DNAJC10: variants seen among roughly 807,000 people sequenced by gnomAD.
DNAJC10 encodes endoplasmic reticulum disulfide reductase DNAJC10.
DNAJC10 carries 101 observed loss-of-function variants against 115.0 expected under a neutral mutation model. The ratio of observed to expected loss-of-function variants is 0.88; its 90% CI spans 0.75 to 1.04. The LOEUF (loss-of-function observed/expected upper bound fraction) is 1.04, where lower values mean the gene tolerates loss of function less well. Ranked by LOEUF, DNAJC10 falls within the 50% of genes least tolerant of loss-of-function variation. The probability of loss-of-function intolerance (pLI) is 0.00; values close to 1 mark genes in which losing one functional copy is unlikely to be tolerated. For synonymous variants in DNAJC10, 307 were observed against 301.5 expected (o/e 1.02, Z -0.19); for missense variants, 981 against 928.8 (o/e 1.06, Z -0.73).
chr2:182,730,920 G>A lies in DNAJC10; in HGVS notation c.728-110G>A. On this transcript the variant is annotated intron_variant, in intron 8 of 23. Transcript: ENST00000264065. ...GGAAAGATAACTGGTAAAACTCAGA[G>A]TGGATTAGAAGAGGGTGAGATTAGA... The A allele has an allele frequency of 4.6e-6, 3 of 652,512 alleles. No individual in the cohort carries two copies. The South Asian group carries it at 6.8e-5, about 15-fold the overall frequency. The allele number at this position is 652,512 out of a possible 1,614,324, so 40.4% of individuals were successfully genotyped here. A position where few individuals can be genotyped will look rare whatever the true frequency, so the allele number is the denominator to read the frequency against.
At chr2:182,766,331 G>A (rs1182145065) in intron 22 of DNAJC10, among the ~76,000 whole-genome samples, 5 of 152,142 alleles carry the variant, frequency 3.3e-5, no homozygotes, top group Non-Finnish European at 7.3e-5. Context: ...TAGAATGAGA[G>A]CGAATATGTA....
intron 4 of DNAJC10, among the ~76,000 whole-genome samples, chr2:182,721,025 T>A (rs1166346593): frequency 6.6e-6 from 1 of 151,712 alleles, no homozygotes; most frequent in Non-Finnish European, 1.5e-5. Context: ...AAAAATAAGG[T>A]GGAAGGAGGA....
rs1290535195 is a variant in DNAJC10, at chr2:182,757,776, C to T, written c.1894C>T (p.Pro632Ser). The T allele has an allele frequency of 3.8e-6, 6 of 1,580,772 alleles. No individual in the cohort carries two copies. The African/African-American group carries it at 6.8e-5, about 18-fold the overall frequency. ...TGCCCAGGAAAACGTTCAAAGATAC[C>T]CTGAGATAAGATTTTTTCCCCCAAA... Reference protein sequence around the residue: ...FCAQENVQRYPEIRFFPPKSN... With the variant: ...FCAQENVQRYSEIRFFPPKSN... The change falls in exon 19 of 24, where the codon CCT (proline) becomes TCT (serine). Residue 632 changes from proline (P) to serine (S), a missense_variant. Physicochemically the swap from Pro to Ser is moderately conservative, Grantham distance 74 (BLOSUM62 -1). Coordinates refer to ENST00000264065, the MANE Select transcript of DNAJC10 (RefSeq NM_018981.4).
At chr2:182,765,558 G>T (rs996318500) in intron 22 of DNAJC10, among the ~76,000 whole-genome samples, 3 of 152,150 alleles carry the variant, frequency 2.0e-5, no homozygotes, top group African/African-American at 7.2e-5. Flanking sequence ...CCATGCGGTT[G>T]CGAGGGCTTC....
intron 21 of DNAJC10, among the ~76,000 whole-genome samples, chr2:182,761,248 GAGA>G (rs1394103908): frequency 6.6e-6 from 1 of 152,196 alleles, no homozygotes; most frequent in Non-Finnish European, 1.5e-5. Context: ...AGTGATGCCA[GAGA>G]AGGATGTTTA....
At chr2:182,759,331 A>G in intron 21 of DNAJC10, 24 bp downstream of exon 21, 1 of 1,580,132 alleles carries the variant, frequency 6.3e-7, no homozygotes, top group Admixed American at 2.1e-5. Flanking sequence ...GTCTTAAATA[A>G]GTTGTAGCCA....
Position 182,762,729 on chromosome 2 carries a change from T to C in DNAJC10, c.2193T>C (p.Tyr731=), listed in dbSNP as rs777965374. ...CTGGAAAAGTAGACTGTCAGGCTTATGCTCAGACATGCCAGAAAGCTGGGA... is the reference window on the plus strand; with the variant it reads ...CTGGAAAAGTAGACTGTCAGGCTTACGCTCAGACATGCCAGAAAGCTGGGA... ...VKAGKVDCQA[Y]AQTCQKAGIR... Residue 731 remains tyrosine, a synonymous_variant, in exon 22 of 24, where the codon TAT becomes TAC. Transcript: ENST00000264065. 2 of 1,612,656 alleles carry C rather than the reference T, an allele frequency of 1.2e-6. No individual in the cohort carries two copies. Among genetic ancestry groups the C allele is most frequent in the Non-Finnish European group, 1.7e-6 (2 of 1,178,916 alleles).
rs886191670 is a variant in DNAJC10, at chr2:182,752,162, A to G, written c.1525A>G (p.Thr509Ala). ...GCTTAAGTTTGGTACACTAGATTGT[A>G]CAGTTCATGAGGGACTCTGTAACAT... ...GQLKFGTLDCTVHEGLCNMYN... is the reference protein window; with the variant it reads ...GQLKFGTLDCAVHEGLCNMYN... Residue 509 changes from threonine (T) to alanine (A), a missense_variant, in exon 16 of 24, where the codon ACA becomes GCA. Transcript: ENST00000264065. 1.9e-6 allele frequency: 3 copies of G among 1,609,246 alleles called. No individual in the cohort carries two copies. The highest frequency in any genetic ancestry group is 2.6e-6 in the Non-Finnish European group (3 of 1,176,388).
intron 4 of DNAJC10, 126 bp downstream of exon 4, chr2:182,720,295 T>C (rs1052652805): frequency 1.3e-6 from 1 of 763,590 alleles, no homozygotes; most frequent in Non-Finnish European, 2.2e-6. Flanking sequence ...TAATTTGCTG[T>C]GGGAGTGAAA....
At chr2:182,726,575 C>T (rs1693288358) in intron 5 of DNAJC10, among the ~76,000 whole-genome samples, 1 of 152,130 alleles carries the variant, frequency 6.6e-6, no homozygotes, top group Non-Finnish European at 1.5e-5. Context: ...GGAAAGGAGA[C>T]ATCAATCAGT....
intron 20 of DNAJC10, 54 bp from the exon 21 acceptor site, chr2:182,759,106 A>G: frequency 2.1e-6 from 3 of 1,439,054 alleles, no homozygotes; most frequent in South Asian, 1.3e-5. Context: ...ATTGCATTTC[A>G]TATGTTTGCT....
intron 4 of DNAJC10, among the ~76,000 whole-genome samples, chr2:182,720,674 C>T (rs1693128583): frequency 6.6e-6 from 1 of 151,740 alleles, no homozygotes; most frequent in East Asian, 2.0e-4. Flanking sequence ...CAACAAAATT[C>T]CCTAACAACA....
chr2:182,729,428 C>T (rs1559000319), intron 7 of DNAJC10, among the ~76,000 whole-genome samples: 3 of 152,240 alleles, frequency 2.0e-5, no homozygotes, highest in South Asian at 2.1e-4. Flanking sequence ...GGATTACAGG[C>T]GTGAGCCACA....
At chr2:182,743,817 A>C in intron 14 of DNAJC10, 105 bp downstream of exon 14, 1 of 745,090 alleles carries the variant, frequency 1.3e-6, no homozygotes, top group Non-Finnish European at 2.2e-6. Flanking sequence ...GCTTATTGTA[A>C]ATAACTTTTC....
intron 11 of DNAJC10, among the ~76,000 whole-genome samples, chr2:182,737,691 A>C (rs974418407): frequency 1.3e-5 from 2 of 152,196 alleles, no homozygotes; most frequent in Non-Finnish European, 2.9e-5. Flanking sequence ...TTAGGATATT[A>C]GTCAGTGTCT....
At chr2:182,752,713 CA>C (rs61411602) in intron 16 of DNAJC10, 73,092 of 164,330 alleles carry the variant, frequency 0.44, 15,555 homozygotes, top group Middle Eastern at 0.56. Context: ...ATACTTTGGG[CA>C]AAAAAAAAAA....
rs371935982 is a variant in DNAJC10, at chr2:182,752,120, A to C, written c.1483A>C (p.Asn495His). 15 of 1,613,884 alleles carry C rather than the reference A, an allele frequency of 9.3e-6. No individual in the cohort carries two copies. Among genetic ancestry groups the C allele is most frequent in the African/African-American group, 1.3e-5 (1 of 75,026 alleles). The change falls in exon 16 of 24, where the codon AAT becomes CAT. Residue 495 changes from asparagine to histidine, a missense_variant. Transcript: ENST00000264065. ...ACTACCAGAGTTACGAAGAGCATCA[A>C]ATCTTCTTTATGGTCAGCTTAAGTT... The part of the protein sequence containing the change: ...ALLPELRRAS[N>H]LLYGQLKFGT...
At chr2:182,728,736 A>G (rs1558999797) in intron 6 of DNAJC10, 78 bp downstream of exon 6, 1 of 1,481,114 alleles carries the variant, frequency 6.8e-7, no homozygotes. Flanking sequence ...TTTTTTTTCT[A>G]TGAATAGTAA....
chr2:182,771,706 A>C (rs1333549796), intron 22 of DNAJC10, among the ~76,000 whole-genome samples: 1 of 151,006 alleles, frequency 6.6e-6, no homozygotes. Context: ...CGTCCATTTG[A>C]TTCTTCTCTC....
Sources: gnomAD v4.1 joint callset for allele counts (sites outside exome capture counted in the v4.1 genomes callset) on GRCh38, gnomAD v4.1.1 for gene constraint, MANE v1.5 for transcripts, NCBI Gene and HGNC (gene_info 2026-07-23, HGNC 2026-07-21) for gene names.